Variants in PTPRM observed in about 807,000 individuals in gnomAD.
PTPRM encodes the protein receptor-type tyrosine-protein phosphatase mu.
Under a neutral mutation model 186.7 loss-of-function variants are expected in PTPRM, and 47 were observed. The ratio of observed to expected loss-of-function variants is 0.25; its 90% CI spans 0.20 to 0.32. The LOEUF is 0.32. PTPRM is among the 10% of genes least tolerant of loss of function. The pLI, the probability that PTPRM is intolerant of heterozygous loss-of-function variation, is 1.00. For synonymous variants in PTPRM, 668 were observed against 674.9 expected (o/e 0.99, Z 0.16); for missense variants, 1,494 against 1,865.0 (o/e 0.80, Z 3.66).
At chr18:8,074,199 G>A (rs369722102) in intron 8 of PTPRM, among the ~76,000 whole-genome samples, 1 of 152,232 alleles carries the variant, frequency 6.6e-6, no homozygotes, top group South Asian at 2.1e-4. Flanking sequence ...ATCTGTGGTA[G>A]TCTTAGCAAT....
chr18:8,048,214 C>G (rs564360719), intron 7 of PTPRM, among the ~76,000 whole-genome samples: 1 of 151,828 alleles, frequency 6.6e-6, no homozygotes, highest in Non-Finnish European at 1.5e-5. Flanking sequence ...TAAAATGGAA[C>G]AAATTTGGTA....
At chr18:8,158,040 A>T (rs373219581) in intron 14 of PTPRM, among the ~76,000 whole-genome samples, 3 of 152,208 alleles carry the variant, frequency 2.0e-5, no homozygotes, top group African/African-American at 2.4e-5. Context: ...CTTGCACCAC[A>T]TTCAGCAGGG....
At chr18:8,238,651 G>GTGTGTGTTTTTTTTTTGTTTTTTTTTTTT (rs539488422) in intron 14 of PTPRM, among the ~76,000 whole-genome samples, 1 of 25,756 alleles carries the variant, frequency 3.9e-5, no homozygotes, top group African/African-American at 1.7e-4. Context: ...TGTTTTGTGT[G>GTGTGTGTTTTTTTTTTGTTTTTTTTTTTT]TTTTTTTTTT....
chr18:7,589,397 G>A (rs1022110666), intron 1 of PTPRM, among the ~76,000 whole-genome samples: 14 of 152,232 alleles, frequency 9.2e-5, no homozygotes, highest in East Asian at 7.7e-4. Flanking sequence ...TTGGCCTGTC[G>A]GTGTTCTGTA....
chr18:8,024,674 C>T (rs908882263), intron 7 of PTPRM, among the ~76,000 whole-genome samples: 3 of 123,262 alleles, frequency 2.4e-5, no homozygotes, highest in African/African-American at 9.5e-5. Context: ...GATTTGGAAA[C>T]CCAAATCTTT....
chr18:8,025,987 A>G (rs1412496472), intron 7 of PTPRM, among the ~76,000 whole-genome samples: 1 of 152,190 alleles, frequency 6.6e-6, no homozygotes, highest in African/African-American at 2.4e-5. Flanking sequence ...GTGAAGCCCC[A>G]GTGTACTTGA....
intron 14 of PTPRM, among the ~76,000 whole-genome samples, chr18:8,196,408 C>T (rs1044053820): frequency 6.6e-6 from 1 of 152,150 alleles, no homozygotes; most frequent in African/African-American, 2.4e-5. Context: ...GTGGAATGAG[C>T]AGTGTTTACC....
chr18:7,984,600 TATACACACACACAC>T, intron 7 of PTPRM, among the ~76,000 whole-genome samples: 1 of 110,946 alleles, frequency 9.0e-6, no homozygotes, highest in Admixed American at 1.0e-4. Flanking sequence ...TATATATATA[TATACACACACACAC>T]ACACACACAC....
intron 14 of PTPRM, among the ~76,000 whole-genome samples, chr18:8,146,534 T>A (rs1487058857): frequency 6.6e-6 from 1 of 152,086 alleles, no homozygotes; most frequent in Non-Finnish European, 1.5e-5. Flanking sequence ...TTTAAGTTCT[T>A]TGTAGGTTCT....
chr18:7,612,939 C>T (rs537814506), intron 1 of PTPRM, among the ~76,000 whole-genome samples: 1 of 152,310 alleles, frequency 6.6e-6, no homozygotes, highest in East Asian at 1.9e-4. Context: ...CTCCCAGCTC[C>T]TATTCTGCTT....
chr18:8,017,055 A>C (rs1202819726), intron 7 of PTPRM, among the ~76,000 whole-genome samples: 2 of 152,214 alleles, frequency 1.3e-5, no homozygotes, highest in African/African-American at 4.8e-5. Flanking sequence ...TCTATAAATT[A>C]CATACGAGTG....
intron 4 of PTPRM, among the ~76,000 whole-genome samples, chr18:7,915,067 T>C (rs1364799557): frequency 6.6e-6 from 1 of 152,136 alleles, no homozygotes; most frequent in African/African-American, 2.4e-5. Context: ...GAATCAATAA[T>C]AATGAAACAT....
intron 4 of PTPRM, among the ~76,000 whole-genome samples, chr18:7,924,229 ATTAAT>A (rs2051039803): frequency 6.6e-6 from 1 of 152,166 alleles, no homozygotes; most frequent in Non-Finnish European, 1.5e-5. Context: ...AGTGGTGGTG[ATTAAT>A]CTTTTGAAGT....
intron 21 of PTPRM, among the ~76,000 whole-genome samples, chr18:8,315,880 G>T (rs889895859): frequency 6.6e-6 from 1 of 152,152 alleles, no homozygotes; most frequent in African/African-American, 2.4e-5. Flanking sequence ...TTCAAGAATA[G>T]TTCATCTCTC....
intron 19 of PTPRM, among the ~76,000 whole-genome samples, chr18:8,253,937 C>G (rs1340001516): frequency 6.6e-6 from 1 of 151,964 alleles, no homozygotes; most frequent in African/African-American, 2.4e-5. Flanking sequence ...TTTTCTTCTT[C>G]CCTCTGGCAG....
chr18:8,337,454 C>G (rs2095446329), intron 22 of PTPRM, among the ~76,000 whole-genome samples: 2 of 152,210 alleles, frequency 1.3e-5, no homozygotes, highest in South Asian at 4.1e-4. Context: ...TACATCTCTA[C>G]TATACCTCAC....
At chr18:7,981,779 C>T (rs1448616768) in intron 7 of PTPRM, among the ~76,000 whole-genome samples, 4 of 152,114 alleles carry the variant, frequency 2.6e-5, no homozygotes, top group Admixed American at 2.6e-4. Context: ...ATGGTATAGC[C>T]AAGGCTCCTA....
intron 14 of PTPRM, among the ~76,000 whole-genome samples, chr18:8,221,547 T>C (rs1020826872): frequency 1.3e-5 from 2 of 152,172 alleles, no homozygotes; most frequent in African/African-American, 2.4e-5. Context: ...AGAAAATTTA[T>C]AGATAGAAAA....
intron 20 of PTPRM, among the ~76,000 whole-genome samples, chr18:8,309,804 G>A (rs1052861012): frequency 5.3e-5 from 8 of 152,294 alleles, no homozygotes; most frequent in Non-Finnish European, 1.2e-4. Flanking sequence ...AAGTAGCTTG[G>A]TCTGCAGGCA....
Sources: gnomAD v4.1 joint callset for allele counts (sites outside exome capture counted in the v4.1 genomes callset) on GRCh38, gnomAD v4.1.1 for gene constraint, MANE v1.5 for transcripts, NCBI Gene and HGNC (gene_info 2026-07-23, HGNC 2026-07-21) for gene names.